Variants in GPHN observed in about 807,000 individuals in gnomAD.
GPHN encodes gephyrin.
GPHN carries 17 observed loss-of-function variants against 95.5 expected under a neutral mutation model. The observed-to-expected ratio is 0.18, with a 90% CI of 0.12 to 0.27. GPHN has a LOEUF of 0.27. Among genes scored for constraint, GPHN ranks in the 10% least tolerant of loss-of-function variants. The probability of loss-of-function intolerance (pLI) is 1.00; values close to 1 mark genes in which losing one functional copy is unlikely to be tolerated. For missense variants in GPHN, 660 were observed against 978.1 expected, an observed-to-expected ratio of 0.67 and a Z score of 4.34; for synonymous variants, 320 against 322.5, an observed-to-expected ratio of 0.99 and a Z score of 0.08.
intron 1 of GPHN, among the ~76,000 whole-genome samples, chr14:66,579,120 A>C (rs1287662843): frequency 6.6e-6 from 1 of 151,914 alleles, no homozygotes; most frequent in Admixed American, 6.6e-5. Context: ...TATTGAAGTT[A>C]TCAGCTTAAA....
chr14:67,338,205 T>C, the GPHN span: 41 of 155,332 alleles, frequency 2.6e-4, no homozygotes, highest in Non-Finnish European at 4.9e-4. Flanking sequence ...AGTACCATGG[T>C]AACAAGAATG....
At chr14:66,922,964 G>C (rs781150889) in intron 7 of GPHN, 26 bp downstream of exon 7, 55 of 1,600,106 alleles carry the variant, frequency 3.4e-5, no homozygotes, top group Non-Finnish European at 4.4e-5. Context: ...GTTACTCAGA[G>C]GCCTAAAGGA....
intron 2 of GPHN, among the ~76,000 whole-genome samples, chr14:66,717,834 T>G (rs1480153516): frequency 6.6e-6 from 1 of 152,210 alleles, no homozygotes; most frequent in Non-Finnish European, 1.5e-5. Flanking sequence ...AGGGGTTGTC[T>G]GCACAGAGTC....
At chr14:67,399,340 AGAG>A in the GPHN span, among the ~76,000 whole-genome samples, 1 of 150,836 alleles carries the variant, frequency 6.6e-6, no homozygotes, top group Non-Finnish European at 1.5e-5. Flanking sequence ...GCAGGAATAA[AGAG>A]AAGGGTAGTT....
intron 1 of GPHN, among the ~76,000 whole-genome samples, chr14:66,622,705 G>T (rs10145903): frequency 0.31 from 47,192 of 151,998 alleles, 11,165 homozygotes; most frequent in African/African-American, 0.64. Context: ...GCAAAAAGCT[G>T]CCAGTCTCTT....
intron 8 of GPHN, among the ~76,000 whole-genome samples, chr14:66,929,663 GTA>G (rs1488016543): frequency 2.7e-5 from 4 of 148,986 alleles, no homozygotes; most frequent in Non-Finnish European, 5.9e-5. Context: ...CACTTGCATG[GTA>G]TATCTTTTTC....
At chr14:66,798,132 T>C (rs2060222019) in intron 3 of GPHN, among the ~76,000 whole-genome samples, 1 of 151,962 alleles carries the variant, frequency 6.6e-6, no homozygotes, top group Non-Finnish European at 1.5e-5. Context: ...CATTGACTGA[T>C]TTGCATATGT....
chr14:66,832,633 G>C (rs549646735), intron 4 of GPHN, among the ~76,000 whole-genome samples: 32 of 151,954 alleles, frequency 2.1e-4, no homozygotes, highest in African/African-American at 7.2e-4. Context: ...TTTCTGTTTG[G>C]TAAGAACAGC....
At chr14:67,138,072 T>C (rs980674607) in intron 17 of GPHN, among the ~76,000 whole-genome samples, 1 of 152,162 alleles carries the variant, frequency 6.6e-6, no homozygotes, top group Non-Finnish European at 1.5e-5. Flanking sequence ...TAAATAGCTT[T>C]TATCTGAAGG....
chr14:66,845,090 T>C (rs2062264095), intron 4 of GPHN, among the ~76,000 whole-genome samples: 2 of 152,214 alleles, frequency 1.3e-5, no homozygotes, highest in Admixed American at 6.5e-5. Flanking sequence ...TATTCCACTG[T>C]ATGTATATAC....
chr14:67,025,465 G>A (rs1208270985), intron 10 of GPHN, among the ~76,000 whole-genome samples: 1 of 152,126 alleles, frequency 6.6e-6, no homozygotes, highest in Non-Finnish European at 1.5e-5. Flanking sequence ...TGTTTTGTTA[G>A]TGAGAGTCTT....
chr14:66,751,648 T>C (rs146185393), intron 2 of GPHN, among the ~76,000 whole-genome samples: 1 of 152,278 alleles, frequency 6.6e-6, no homozygotes, highest in Non-Finnish European at 1.5e-5. Context: ...GGTTGTCTGT[T>C]TATTCTGTTG....
At chr14:67,213,376 C>A in the GPHN span, among the ~76,000 whole-genome samples, 6 of 134,222 alleles carry the variant, frequency 4.5e-5, no homozygotes, top group Non-Finnish European at 9.2e-5. Flanking sequence ...CATGTGTTCT[C>A]ATTGTTCAAT....
chr14:67,594,006 T>G, the GPHN span: 2 of 1,213,476 alleles, frequency 1.6e-6, no homozygotes, highest in African/African-American at 3.0e-5. Context: ...ACCAGTCAAC[T>G]CCAGGCAATG....
chr14:67,274,082 C>G, the GPHN span, among the ~76,000 whole-genome samples: 3 of 152,292 alleles, frequency 2.0e-5, no homozygotes, highest in African/African-American at 7.2e-5. Context: ...TGCCTGTTCA[C>G]TCTGATGGTA....
intron 3 of GPHN, among the ~76,000 whole-genome samples, chr14:66,792,382 G>A (rs2060002035): frequency 2.6e-5 from 4 of 151,806 alleles, no homozygotes. Flanking sequence ...GCATGTTAGT[G>A]CACAACTGTA....
chr14:67,193,087 T>TATATCTCTATATATCTCTATATAG, the GPHN span, among the ~76,000 whole-genome samples: 1 of 144,438 alleles, frequency 6.9e-6, no homozygotes, highest in Non-Finnish European at 1.5e-5. Context: ...TATATCTATC[T>TATATCTCTATATATCTCTATATAG]ATATCTCTAT....
At chr14:66,859,340 TAAGAG>T (rs761651276) in intron 4 of GPHN, among the ~76,000 whole-genome samples, 15 of 152,106 alleles carry the variant, frequency 9.9e-5, no homozygotes, top group Non-Finnish European at 1.2e-4. Context: ...TGGGAGAAAA[TAAGAG>T]AAGAGAACAA....
chr14:66,720,825 G>A (rs1288048862), intron 2 of GPHN, among the ~76,000 whole-genome samples: 5 of 152,094 alleles, frequency 3.3e-5, no homozygotes, highest in South Asian at 2.1e-4. Context: ...TGATCACACC[G>A]CTGCACTCTT....
Sources: allele counts gnomAD v4.1 joint callset (sites outside exome capture counted in the v4.1 genomes callset), GRCh38; gene constraint gnomAD v4.1.1; transcripts MANE v1.5; gene names NCBI Gene and HGNC (gene_info 2026-07-23, HGNC 2026-07-21).